EDNRA: variants seen among roughly 807,000 people sequenced by gnomAD.
The protein encoded by EDNRA is endothelin receptor type A, also known as endothelin-1 receptor.
A neutral mutation model predicts 41.4 loss-of-function variants in EDNRA; 11 were observed. The observed-to-expected ratio is 0.27, with a 90% confidence interval of 0.17 to 0.44. The LOEUF is 0.44. Ranked by LOEUF, EDNRA falls within the 20% of genes least tolerant of loss-of-function variation. The probability of loss-of-function intolerance (pLI) is 1.00; values close to 1 mark genes in which losing one functional copy is unlikely to be tolerated. For missense variants in EDNRA, 294 were observed against 531.0 expected (o/e 0.55, Z 4.39); for synonymous variants, 172 against 183.0 (o/e 0.94, Z 0.49).
At chr4:147,505,326 C>CTTTTTTTTTTTTTT (rs1729660192) in intron 2 of EDNRA, among the ~76,000 whole-genome samples, 16 of 81,996 alleles carry the variant, frequency 2.0e-4, no homozygotes, top group African/African-American at 8.1e-4. Flanking sequence ...TTTCTTTTTT[C>CTTTTTTTTTTTTTT]ATTTTTTTTT....
intron 3 of EDNRA, among the ~76,000 whole-genome samples, chr4:147,525,434 T>G (rs1730500840): frequency 2.0e-5 from 3 of 152,188 alleles, no homozygotes; most frequent in Non-Finnish European, 4.4e-5. Flanking sequence ...TATCCAGCTT[T>G]CTTGTTGAAT....
At chr4:147,509,974 C>T (rs534487799) in intron 2 of EDNRA, among the ~76,000 whole-genome samples, 72 of 152,278 alleles carry the variant, frequency 4.7e-4, no homozygotes, top group African/African-American at 1.5e-3. Flanking sequence ...TTCCACAAAA[C>T]GAGTCCCTGG....
intron 2 of EDNRA, among the ~76,000 whole-genome samples, chr4:147,496,462 T>G (rs971331045): frequency 1.3e-5 from 2 of 152,256 alleles, no homozygotes; most frequent in African/African-American, 4.8e-5. Flanking sequence ...AATATGTTAT[T>G]GAAATGTAGC....
chr4:147,490,757 T>C (rs1729110639), intron 2 of EDNRA: 1 of 152,222 alleles, frequency 6.6e-6, no homozygotes, highest in Admixed American at 6.5e-5. Flanking sequence ...AGATGGGTTA[T>C]AATTTTGAAC....
chr4:147,481,968 G>A (rs544154438), intron 1 of EDNRA, among the ~76,000 whole-genome samples: 2 of 152,304 alleles, frequency 1.3e-5, no homozygotes, highest in Non-Finnish European at 2.9e-5. Flanking sequence ...CTTCTCACGT[G>A]CAGAAAACAA....
chr4:147,516,398 G>A (rs1445120441), intron 2 of EDNRA, among the ~76,000 whole-genome samples: 1 of 152,206 alleles, frequency 6.6e-6, no homozygotes, highest in East Asian at 1.9e-4. Flanking sequence ...GCACTACTTT[G>A]AGACACTGAT....
At chr4:147,501,620 C>T (rs1729519458) in intron 2 of EDNRA, among the ~76,000 whole-genome samples, 1 of 152,168 alleles carries the variant, frequency 6.6e-6, no homozygotes. Flanking sequence ...TCTGTTCTCT[C>T]CCCTGTTTAT....
In EDNRA at chr4:147,532,683, T is replaced by C. The variant is rs1449561833; in HGVS notation, c.726T>C (p.Asn242=). 1.2e-6 allele frequency: 2 copies of C among 1,614,018 alleles called. No homozygotes were observed. The highest frequency in any genetic ancestry group is 1.3e-5 in the African/African-American group (1 of 74,914). Residue 242 remains asparagine, a synonymous_variant, in exon 4 of 8, where the codon AAT becomes AAC. Transcript: ENST00000651419. The stretch of plus-strand genomic sequence containing the variant: ...AACAGCATAAAACCTGTATGCTCAA[T>C]GCCACATCAAAATTCATGGAGGTAC... ...RGEQHKTCML[N]ATSKFMEFYQ...
At chr4:147,516,688 G>A (rs111925573) in intron 2 of EDNRA, among the ~76,000 whole-genome samples, 10 of 152,194 alleles carry the variant, frequency 6.6e-5, no homozygotes, top group Non-Finnish European at 8.8e-5. Flanking sequence ...AATACGACTC[G>A]TCAGCTTGTC....
In EDNRA at chr4:147,539,822, A is replaced by T. The variant is rs766163956; in HGVS notation, c.906A>T (p.Arg302=). 1 of 1,607,230 alleles carries T rather than the reference A, an allele frequency of 6.2e-7. No individual in the cohort carries two copies. Among genetic ancestry groups the T allele is most frequent in the Non-Finnish European group, 8.5e-7 (1 of 1,178,618 alleles). The change falls in exon 6 of 8, where the codon CGA becomes CGT. Residue 302 remains arginine (R), a synonymous_variant. Coordinates refer to ENST00000651419, the MANE Select transcript of EDNRA (RefSeq NM_001957.4). Reference sequence around the variant, plus strand: ...TTTTTCTCACTTTCCTTTAGCGTCGAGAAGTGGCAAAAACAGTTTTCTGCT... The same window carrying T: ...TTTTTCTCACTTTCCTTTAGCGTCGTGAAGTGGCAAAAACAGTTTTCTGCT... The part of the protein sequence containing the change: ...IALSEHLKQR[R]EVAKTVFCLV...
At chr4:147,513,536 A>G (rs10305895) in intron 2 of EDNRA, among the ~76,000 whole-genome samples, 44,847 of 152,060 alleles carry the variant, frequency 0.29, 6,968 homozygotes, top group African/African-American at 0.4. Context: ...CTTTATAATC[A>G]TCTCAGTCTG....
chr4:147,523,468 T>G lies in EDNRA; in HGVS notation c.548+3490T>G, dbSNP rs201793430. ...CTGTTTTGTTGGGTGTTTGTTTTTT[T>G]TTGTTGTTGTTGTTTTTTTGTTTTT... is the stretch of plus-strand genomic sequence containing the variant. On this transcript the variant is annotated intron_variant, in intron 3 of 7. Transcript: ENST00000651419. 2.3e-3 allele frequency among the ~76,000 whole-genome samples: 299 copies of G among 132,200 alleles called. 8 individuals are homozygous for G. Among genetic ancestry groups the G allele is most frequent in the African/African-American group, 8.1e-3 (228 of 28,214 alleles). The allele number at this position is 132,200 out of a possible 152,430, so 86.7% of individuals were successfully genotyped here. A position where few individuals can be genotyped will look rare whatever the true frequency, so the allele number is the denominator to read the frequency against.
At chr4:147,532,388 A>T (rs1263122928) in intron 3 of EDNRA, 118 bp from the exon 4 acceptor site, 2 of 839,454 alleles carry the variant, frequency 2.4e-6, no homozygotes, top group Non-Finnish European at 1.9e-6. Flanking sequence ...GAAAATTCCT[A>T]AAAAGACAAT....
chr4:147,516,119 T>C (rs1730107007), intron 2 of EDNRA, among the ~76,000 whole-genome samples: 1 of 152,222 alleles, frequency 6.6e-6, no homozygotes, highest in African/African-American at 2.4e-5. Context: ...CTTCTGTGTC[T>C]CCACGATTCT....
At chr4:147,506,396 C>G in intron 2 of EDNRA, 1 of 410,092 alleles carries the variant, frequency 2.4e-6, no homozygotes, top group Non-Finnish European at 4.8e-6. Context: ...GTGAAAAGTA[C>G]ATGAGATTAA....
chr4:147,483,240 A>G (rs1728833803), intron 1 of EDNRA, among the ~76,000 whole-genome samples: 2 of 152,246 alleles, frequency 1.3e-5, no homozygotes, highest in African/African-American at 2.4e-5. Flanking sequence ...TGACAAATAC[A>G]TGGCCTGCCT....
intron 7 of EDNRA, among the ~76,000 whole-genome samples, chr4:147,542,191 C>T (rs1158860676): frequency 2.0e-5 from 3 of 152,202 alleles, no homozygotes; most frequent in Non-Finnish European, 4.4e-5. Flanking sequence ...CCCGTGCCTG[C>T]CCCAAGCTGT....
At chr4:147,517,585 C>T (rs984438989) in intron 2 of EDNRA, among the ~76,000 whole-genome samples, 42 of 152,198 alleles carry the variant, frequency 2.8e-4, no homozygotes, top group African/African-American at 9.9e-4. Context: ...AGTGATTACA[C>T]CTAATAATTT....
intron 2 of EDNRA, among the ~76,000 whole-genome samples, chr4:147,518,909 T>C (rs1047826234): frequency 6.6e-5 from 10 of 152,174 alleles, no homozygotes; most frequent in Admixed American, 6.5e-4. Flanking sequence ...CCTTCCCCCT[T>C]TTAGGTAGCT....
Sources: gnomAD v4.1 joint callset for allele counts (sites outside exome capture counted in the v4.1 genomes callset) on GRCh38, gnomAD v4.1.1 for gene constraint, MANE v1.5 for transcripts, NCBI Gene and HGNC (gene_info 2026-07-23, HGNC 2026-07-21) for gene names.